Variants in NMNAT2 observed in about 807,000 individuals in gnomAD.
NMNAT2 encodes nicotinamide nucleotide adenylyltransferase 2.
A neutral mutation model predicts 41.6 loss-of-function variants in NMNAT2; 11 were observed. The ratio of observed to expected loss-of-function variants is 0.26; its 90% CI spans 0.17 to 0.44. NMNAT2 has a LOEUF of 0.44. NMNAT2 is among the 20% of genes least tolerant of loss of function. NMNAT2 has a pLI of 1.00. For synonymous variants in NMNAT2, 148 were observed against 151.2 expected (o/e 0.98, Z 0.16); for missense variants, 288 against 407.7 (o/e 0.71, Z 2.53).
chr1:183,354,508 C>T (rs10911318), intron 1 of NMNAT2, among the ~76,000 whole-genome samples: 59,252 of 148,618 alleles, frequency 0.4, 13,285 homozygotes, highest in East Asian at 0.67. Context: ...ACCCCCCAGG[C>T]TAAGGTGATC....
At chr1:183,338,357 A>C (rs1419832764) in intron 1 of NMNAT2, among the ~76,000 whole-genome samples, 2 of 117,176 alleles carry the variant, frequency 1.7e-5, no homozygotes, top group African/African-American at 6.4e-5. Flanking sequence ...CTCACTTTGC[A>C]CATGAAAAAA....
intron 1 of NMNAT2, among the ~76,000 whole-genome samples, chr1:183,328,191 G>A (rs752848101): frequency 1.3e-5 from 2 of 152,064 alleles, no homozygotes; most frequent in Admixed American, 6.5e-5. Context: ...AACTGAAAAG[G>A]GAGAGGGATC....
At chr1:183,388,032 T>C (rs1228954285) in intron 1 of NMNAT2, among the ~76,000 whole-genome samples, 1 of 152,230 alleles carries the variant, frequency 6.6e-6, no homozygotes, top group African/African-American at 2.4e-5. Context: ...CTTCTAATTA[T>C]ATAAATTAAT....
At chr1:183,324,570 C>G (rs1425132024) in intron 1 of NMNAT2, among the ~76,000 whole-genome samples, 1 of 152,268 alleles carries the variant, frequency 6.6e-6, no homozygotes, top group East Asian at 1.9e-4. Context: ...CTGCCAGAAC[C>G]AACAGCGCAA....
In NMNAT2 at chr1:183,384,149, C is replaced by T. The variant is rs1663860222; in HGVS notation, c.85+34034G>A. Among the ~76,000 whole-genome samples the T allele has an allele frequency of 2.6e-5, 4 of 152,068 alleles. No individual in the cohort carries two copies. In the South Asian group the frequency reaches 6.2e-4, roughly 24 times the overall value. The stretch of plus-strand genomic sequence containing the variant: ...AAGGTGAAGGGGAAGCAAGGCACCT[C>T]TTATGTGGCCGGAGCAGAAGGAAGA... On this transcript the variant is annotated intron_variant, in intron 1 of 10. Transcript: ENST00000287713.
At chr1:183,318,940 T>C (rs996268824) in intron 1 of NMNAT2, among the ~76,000 whole-genome samples, 2 of 152,172 alleles carry the variant, frequency 1.3e-5, no homozygotes, top group Non-Finnish European at 2.9e-5. Flanking sequence ...TAAGCACAAT[T>C]TATAGATGAG....
Position 183,292,801 on chromosome 1 carries a change from A to G in NMNAT2, c.231T>C (p.Ser77=), listed in dbSNP as rs1454321076. 6.2e-7 allele frequency: 1 copy of G among 1,613,880 alleles called. No homozygotes were observed. The highest frequency in any genetic ancestry group is 8.5e-7 in the Non-Finnish European group (1 of 1,179,970). Residue 77 remains serine (S), a synonymous_variant, in exon 3 of 11, where the codon TCT becomes TCC. Coordinates refer to ENST00000287713, the MANE Select transcript of NMNAT2 (RefSeq NM_015039.4). ...LIMCQLAVQN[S]DWIRVDPWEC... is the part of the protein sequence containing the mutation. ...CAGGCCAGTCCTACCTGATCCAATCAGAATTCTGGACGGCCAGCTGACACA... is the reference window on the plus strand; with the variant it reads ...CAGGCCAGTCCTACCTGATCCAATCGGAATTCTGGACGGCCAGCTGACACA...
At chr1:183,382,869 C>T (rs1319545290) in intron 1 of NMNAT2, among the ~76,000 whole-genome samples, 2 of 152,154 alleles carry the variant, frequency 1.3e-5, no homozygotes, top group African/African-American at 4.8e-5. Context: ...GCAGCTTTTC[C>T]AAGTGCACGG....
At chr1:183,347,192 C>T (rs1053036591) in intron 1 of NMNAT2, among the ~76,000 whole-genome samples, 5 of 152,166 alleles carry the variant, frequency 3.3e-5, no homozygotes, top group African/African-American at 1.2e-4. Context: ...CTGCGGTTCA[C>T]GCCTGTAATC....
At chr1:183,275,310 CATT>C (rs2102294266) in intron 8 of NMNAT2, among the ~76,000 whole-genome samples, 1 of 152,212 alleles carries the variant, frequency 6.6e-6, no homozygotes, top group East Asian at 1.9e-4. Flanking sequence ...GATTCACACT[CATT>C]ATGTGAGGAA....
intron 8 of NMNAT2, among the ~76,000 whole-genome samples, chr1:183,273,207 C>T (rs1204001564): frequency 7.2e-5 from 11 of 152,250 alleles, no homozygotes; most frequent in Non-Finnish European, 1.5e-4. Context: ...CACATGGCTG[C>T]GCTGGAGTCT....
intron 1 of NMNAT2, among the ~76,000 whole-genome samples, chr1:183,398,902 A>G (rs1648729264): frequency 6.6e-6 from 1 of 152,250 alleles, no homozygotes; most frequent in Non-Finnish European, 1.5e-5. Flanking sequence ...TCTGGGACAC[A>G]TTCAAAGCAG....
intron 8 of NMNAT2, among the ~76,000 whole-genome samples, chr1:183,273,605 C>T (rs762455725): frequency 1.3e-5 from 2 of 152,184 alleles, no homozygotes; most frequent in Non-Finnish European, 2.9e-5. Flanking sequence ...AAAGATGTTC[C>T]TTTTCCAGAC....
intron 2 of NMNAT2, 142 bp from the exon 3 acceptor site, chr1:183,292,999 G>T: frequency 1.3e-6 from 1 of 777,248 alleles, no homozygotes; most frequent in Non-Finnish European, 2.2e-6. Context: ...CCCTTTACTT[G>T]TCCGTTTGCC....
intron 1 of NMNAT2, among the ~76,000 whole-genome samples, chr1:183,407,106 T>A (rs144046406): frequency 0.018 from 2,728 of 152,254 alleles, 45 homozygotes; most frequent in South Asian, 0.091. Context: ...CGTGAGCCAC[T>A]GCACCTGGCC....
At chr1:183,332,767 T>C (rs1033181310) in intron 1 of NMNAT2, among the ~76,000 whole-genome samples, 4 of 152,162 alleles carry the variant, frequency 2.6e-5, no homozygotes, top group African/African-American at 4.8e-5. Flanking sequence ...CACAGCTTCC[T>C]TGGATCTAGC....
intron 8 of NMNAT2, among the ~76,000 whole-genome samples, chr1:183,261,761 TA>T (rs767306487): frequency 6.6e-6 from 1 of 152,088 alleles, no homozygotes; most frequent in East Asian, 1.9e-4. Flanking sequence ...CTCACCCTCA[TA>T]AAAACTTCTG....
At chr1:183,369,433 T>G (rs1663485298) in intron 1 of NMNAT2, among the ~76,000 whole-genome samples, 1 of 151,838 alleles carries the variant, frequency 6.6e-6, no homozygotes, top group South Asian at 2.1e-4. Context: ...TGCACCACCA[T>G]GCCCAGCTAA....
At chr1:183,410,024 C>T (rs1649071170) in intron 1 of NMNAT2, among the ~76,000 whole-genome samples, 1 of 152,084 alleles carries the variant, frequency 6.6e-6, no homozygotes, top group East Asian at 1.9e-4. Context: ...ATAATAAAAT[C>T]GTGGCTGGGC....
Sources: allele counts gnomAD v4.1 joint callset (sites outside exome capture counted in the v4.1 genomes callset), GRCh38; gene constraint gnomAD v4.1.1; transcripts MANE v1.5; gene names NCBI Gene and HGNC (gene_info 2026-07-23, HGNC 2026-07-21).